Variants in PTGER3 observed in about 807,000 individuals in gnomAD.
The protein encoded by PTGER3 is prostaglandin E2 receptor EP3 subtype.
A neutral mutation model predicts 34.7 loss-of-function variants in PTGER3; 22 were observed. The ratio of observed to expected loss-of-function variants is 0.63; its 90% CI spans 0.45 to 0.91. The LOEUF (loss-of-function observed/expected upper bound fraction) is 0.91. Ranked by LOEUF, PTGER3 falls within the 40% of genes least tolerant of loss-of-function variation. The pLI is 0.00. For missense variants in PTGER3, 468 were observed against 519.4 expected (o/e 0.90, Z 0.96); for synonymous variants, 241 against 230.1 (o/e 1.05, Z -0.43).
At chr1:70,930,660 G>T (rs569627470) in intron 4 of PTGER3, among the ~76,000 whole-genome samples, 1 of 152,086 alleles carries the variant, frequency 6.6e-6, no homozygotes, top group Non-Finnish European at 1.5e-5. Context: ...AATGAGGAAG[G>T]TACAAAAGCA....
chr1:70,966,653 T>C (rs1281765861), downstream of PTGER3, among the ~76,000 whole-genome samples: 2 of 151,960 alleles, frequency 1.3e-5, no homozygotes, highest in African/African-American at 2.4e-5. Flanking sequence ...TCTGTGTCCA[T>C]GTGTTCTCAA....
chr1:70,919,763 CTATTCTA>C (rs1647347060), intron 4 of PTGER3, among the ~76,000 whole-genome samples: 1 of 152,086 alleles, frequency 6.6e-6, no homozygotes, highest in Admixed American at 6.6e-5. Flanking sequence ...AATGGAATTA[CTATTCTA>C]TACTCTGTGT....
At chr1:70,961,607 C>A (rs1469363350) in intron 2 of PTGER3, among the ~76,000 whole-genome samples, 1 of 152,172 alleles carries the variant, frequency 6.6e-6, no homozygotes, top group Non-Finnish European at 1.5e-5. Context: ...ATACAACATG[C>A]ATATTTTGCT....
At chr1:70,922,492 A>G (rs1333252202) in intron 4 of PTGER3, among the ~76,000 whole-genome samples, 1 of 152,202 alleles carries the variant, frequency 6.6e-6, no homozygotes, top group African/African-American at 2.4e-5. Context: ...CAGCTAGGTA[A>G]GGCCTGGGAC....
chr1:70,967,692 T>G (rs955989337), downstream of PTGER3, among the ~76,000 whole-genome samples: 1 of 152,184 alleles, frequency 6.6e-6, no homozygotes, highest in Admixed American at 6.5e-5. Flanking sequence ...ATGACAATTA[T>G]CTTAAGAACA....
chr1:70,863,028 G>A (rs918808034), intron 4 of PTGER3, among the ~76,000 whole-genome samples: 5 of 152,230 alleles, frequency 3.3e-5, no homozygotes, highest in South Asian at 4.1e-4. Context: ...GTAAAGTCAA[G>A]AGGATTGGTG....
chr1:70,919,030 A>G (rs1294980644), intron 4 of PTGER3, among the ~76,000 whole-genome samples: 2 of 152,136 alleles, frequency 1.3e-5, no homozygotes, highest in Admixed American at 6.6e-5. Context: ...CATGAATGAC[A>G]GAGCCTGGGA....
At chr1:71,012,013 G>C (rs1035758875) in intron 2 of PTGER3, 12 of 1,401,802 alleles carry the variant, frequency 8.6e-6, no homozygotes, top group Non-Finnish European at 8.3e-6. Context: ...ACACTAGACT[G>C]TTATTAATAT....
chr1:70,991,506 A>T (rs756062807), intron 2 of PTGER3, among the ~76,000 whole-genome samples: 1 of 152,094 alleles, frequency 6.6e-6, no homozygotes, highest in Non-Finnish European at 1.5e-5. Context: ...GTTTCTAGGG[A>T]GTGAGCACAA....
intron 1 of PTGER3, among the ~76,000 whole-genome samples, chr1:71,025,241 T>C (rs184071507): frequency 6.6e-6 from 1 of 151,756 alleles, no homozygotes; most frequent in Non-Finnish European, 1.5e-5. Flanking sequence ...TAGGTGCTAA[T>C]GGACTATAAG....
chr1:70,870,468 G>A (rs1321992301), intron 4 of PTGER3, among the ~76,000 whole-genome samples: 1 of 152,196 alleles, frequency 6.6e-6, no homozygotes, highest in Non-Finnish European at 1.5e-5. Flanking sequence ...TTCTCTGCAG[G>A]CTGCTTGGAT....
intron 4 of PTGER3, among the ~76,000 whole-genome samples, chr1:70,936,898 G>C (rs1433965901): frequency 2.0e-5 from 3 of 152,136 alleles, no homozygotes; most frequent in Non-Finnish European, 4.4e-5. Flanking sequence ...AGTAAATACT[G>C]TATCAATTAA....
At chr1:70,983,721 C>G (rs764561421) in intron 2 of PTGER3, among the ~76,000 whole-genome samples, 30 of 151,964 alleles carry the variant, frequency 2.0e-4, no homozygotes, top group East Asian at 1.9e-4. Flanking sequence ...GCTCCCAGCT[C>G]TATAAAGGTA....
intron 1 of PTGER3, among the ~76,000 whole-genome samples, chr1:71,027,087 AT>A (rs1374740583): frequency 6.6e-6 from 1 of 152,210 alleles, no homozygotes; most frequent in Non-Finnish European, 1.5e-5. Context: ...ACAAGTAATA[AT>A]AAAACAGTTC....
At chr1:70,922,079 G>A (rs1458888130) in intron 4 of PTGER3, among the ~76,000 whole-genome samples, 1 of 152,090 alleles carries the variant, frequency 6.6e-6, no homozygotes, top group Non-Finnish European at 1.5e-5. Flanking sequence ...CAGATATTAA[G>A]TTTGCTAAAT....
chr1:70,993,176 C>T (rs1655623536), intron 2 of PTGER3, among the ~76,000 whole-genome samples: 1 of 152,278 alleles, frequency 6.6e-6, no homozygotes, highest in South Asian at 2.1e-4. Flanking sequence ...ACACATTCAT[C>T]TTTAAACCAT....
At chr1:70,953,869 T>C (rs74089179) in intron 2 of PTGER3, 4 of 622,588 alleles carry the variant, frequency 6.4e-6, no homozygotes, top group Non-Finnish European at 1.1e-5. Flanking sequence ...CCACAGATGA[T>C]GTTCAATGAA....
intron 4 of PTGER3, among the ~76,000 whole-genome samples, chr1:70,912,350 GCT>G (rs983973651): frequency 1.3e-4 from 19 of 151,942 alleles, no homozygotes; most frequent in Non-Finnish European, 2.2e-4. Context: ...ATAATCAACA[GCT>G]CATTTATTGA....
chr1:70,946,108 T>C (rs993899199), intron 4 of PTGER3, among the ~76,000 whole-genome samples: 1 of 152,210 alleles, frequency 6.6e-6, no homozygotes, highest in African/African-American at 2.4e-5. Flanking sequence ...CTGCTTTCCC[T>C]AGTCCCCTCA....
Sources: gnomAD v4.1 joint callset for allele counts (sites outside exome capture counted in the v4.1 genomes callset) on GRCh38, gnomAD v4.1.1 for gene constraint, MANE v1.5 for transcripts, NCBI Gene and HGNC (gene_info 2026-07-23, HGNC 2026-07-21) for gene names.